PCDH17: variants seen among roughly 807,000 people sequenced by gnomAD.
PCDH17 encodes the protein protocadherin-17.
A neutral mutation model predicts 67.7 loss-of-function variants in PCDH17; 21 were observed. The ratio of observed to expected loss-of-function variants is 0.31; its 90% CI spans 0.22 to 0.45. PCDH17 has a LOEUF of 0.45. Ranked by LOEUF, PCDH17 falls within the 20% of genes least tolerant of loss-of-function variation. PCDH17 has a pLI of 1.00. For missense variants in PCDH17, 1,471 were observed against 1,564.8 expected (o/e 0.94, Z 1.01); for synonymous variants, 701 against 656.7 (o/e 1.07, Z -1.03).
chr13:57,665,823 T>C lies in PCDH17; in HGVS notation c.2566-645T>C, dbSNP rs1690461176. On this transcript the variant is annotated intron_variant, in intron 1 of 3. Transcript: ENST00000377918. ...GTTTTAAGTAACATTTTTTTCTCTC[T>C]TATTTTTGTTTTGCTTTGTTTTTAA... Among the ~76,000 whole-genome samples the C allele has an allele frequency of 2.6e-5, 4 of 152,310 alleles. No individual in the cohort carries two copies. The South Asian group carries it at 8.3e-4, about 32-fold the overall frequency.
chr13:57,659,044 A>G (rs1955148438), intron 1 of PCDH17, among the ~76,000 whole-genome samples: 1 of 151,786 alleles, frequency 6.6e-6, no homozygotes. Context: ...TGAATATCTC[A>G]TGACTCTATC....
chr13:57,715,374 C>T (rs904244121), intron 3 of PCDH17, among the ~76,000 whole-genome samples: 1 of 151,808 alleles, frequency 6.6e-6, no homozygotes, highest in African/African-American at 2.4e-5. Flanking sequence ...TCAATTAAAG[C>T]GTCTGTTCAA....
chr13:57,650,036 T>C (rs2137997857), intron 1 of PCDH17, among the ~76,000 whole-genome samples: 1 of 152,264 alleles, frequency 6.6e-6, no homozygotes, highest in South Asian at 2.1e-4. Flanking sequence ...TTTTTATCTG[T>C]TGGAGAAAAT....
intron 1 of PCDH17, among the ~76,000 whole-genome samples, chr13:57,665,925 A>T (rs1275048212): frequency 1.3e-5 from 2 of 152,122 alleles, no homozygotes. Flanking sequence ...TGTAGCTGAG[A>T]ATGAATTATA....
chr13:57,702,417 G>A (rs533889920), intron 3 of PCDH17, among the ~76,000 whole-genome samples: 2 of 151,952 alleles, frequency 1.3e-5, no homozygotes, highest in African/African-American at 4.8e-5. Context: ...CCCCACAGAA[G>A]CCCTGTGAGG....
chr13:57,669,982 C>G (rs1955300227), intron 3 of PCDH17, among the ~76,000 whole-genome samples: 1 of 151,970 alleles, frequency 6.6e-6, no homozygotes, highest in East Asian at 1.9e-4. Flanking sequence ...ATTTAATTCT[C>G]ATGGCATTTA....
Position 57,725,522 on chromosome 13 carries a change from A to T in PCDH17, c.*228A>T, listed in dbSNP as rs186348906. On this transcript the variant is annotated 3_prime_UTR_variant, in exon 4 of 4. Transcript: ENST00000377918. ...CCAAACTTGTATTAGGACAGAATTAATGATGCTTAAAGAGAAAAGAAAAAA... is the reference window on the plus strand; with the variant it reads ...CCAAACTTGTATTAGGACAGAATTATTGATGCTTAAAGAGAAAAGAAAAAA... 937 of 467,648 alleles carry T rather than the reference A, an allele frequency of 2.0e-3. 1 individual carries two copies. The highest frequency in any genetic ancestry group is 3.0e-3 in the Non-Finnish European group (807 of 264,642). 29.0% of individuals were successfully genotyped at this position (467,648 alleles called of 1,614,324 possible).
rs1955934065 is a variant in PCDH17, at chr13:57,728,978, G to A, written c.*3684G>A. 1 of 152,240 alleles carries A rather than the reference G, an allele frequency of 6.6e-6. No homozygotes were observed. Among genetic ancestry groups the A allele is most frequent in the South Asian group, 2.1e-4 (1 of 4,834 alleles). The allele number at this position is 152,240 out of a possible 1,614,324, so 9.4% of individuals were successfully genotyped here. A position where few individuals can be genotyped will look rare whatever the true frequency, so the allele number is the denominator to read the frequency against. ...GCATAATATATGCCCAGTCATAATA[G>A]TCTAATTATATTCTTTTGACAACAG... is the stretch of plus-strand genomic sequence containing the variant. On this transcript the variant is annotated 3_prime_UTR_variant, in exon 4 of 4. Transcript: ENST00000377918.
rs923859839 is a variant in PCDH17 at position 57,710,460 on chromosome 13, C to T, written c.2798-14152C>T. Among the ~76,000 whole-genome samples the T allele has an allele frequency of 2.6e-5, 4 of 151,970 alleles. No individual in the cohort carries two copies. The East Asian group carries it at 7.7e-4, about 29-fold the overall frequency. ...CTGGAACTCCATAAATTATGCAATA[C>T]ATTTCAATCTCTAAGTATGCTTTAC... On this transcript the variant is annotated intron_variant, in intron 3 of 3. Transcript: ENST00000377918.
At chr13:57,644,656 T>C (rs1264760885) in intron 1 of PCDH17, among the ~76,000 whole-genome samples, 1 of 151,766 alleles carries the variant, frequency 6.6e-6, no homozygotes, top group African/African-American at 2.4e-5. Context: ...CTGTTCCTCG[T>C]GCATTTTTAG....
At chr13:57,673,782 T>G (rs2138035320) in intron 3 of PCDH17, among the ~76,000 whole-genome samples, 1 of 152,112 alleles carries the variant, frequency 6.6e-6, no homozygotes, top group Non-Finnish European at 1.5e-5. Context: ...TTCCAATTAT[T>G]TTCAAGCCCT....
Position 57,657,633 on chromosome 13 carries a change from A to G in PCDH17, c.2566-8835A>G, listed in dbSNP as rs180735643. 1.3e-3 allele frequency among the ~76,000 whole-genome samples: 202 copies of G among 152,330 alleles called. 1 individual carries two copies. The highest frequency in any genetic ancestry group is 4.6e-3 in the African/African-American group (193 of 41,582). On this transcript the variant is annotated intron_variant, in intron 1 of 3. Transcript: ENST00000377918. ...CTCCCTTGTGTTCAGTCTACTGCAA[A>G]CAGAATGCTTGTTATCAATGTGAAA... is the stretch of plus-strand genomic sequence containing the variant.
intron 3 of PCDH17, among the ~76,000 whole-genome samples, chr13:57,667,794 G>A (rs1355092353): frequency 6.7e-6 from 1 of 150,226 alleles, no homozygotes; most frequent in Non-Finnish European, 1.5e-5. Context: ...AACAGATACA[G>A]TGTTAAGTTT....
At chr13:57,648,418 T>A (rs948279863) in intron 1 of PCDH17, among the ~76,000 whole-genome samples, 3 of 151,990 alleles carry the variant, frequency 2.0e-5, no homozygotes, top group African/African-American at 7.2e-5. Flanking sequence ...TCATTGACCT[T>A]TAGCTGCCAT....
At chr13:57,630,789 A>G (rs1253524578), upstream of PCDH17, among the ~76,000 whole-genome samples, 3 of 152,298 alleles carry the variant, frequency 2.0e-5, no homozygotes, top group East Asian at 3.9e-4. Flanking sequence ...AGAAGCCGCA[A>G]CTAATGTCTG....
intron 1 of PCDH17, among the ~76,000 whole-genome samples, chr13:57,651,641 T>C (rs1955040984): frequency 6.6e-6 from 1 of 152,228 alleles, no homozygotes; most frequent in East Asian, 1.9e-4. Flanking sequence ...CCTGGGATTC[T>C]ATTTTGAAAA....
At chr13:57,692,921 A>G (rs1239537843) in intron 3 of PCDH17, among the ~76,000 whole-genome samples, 1 of 151,138 alleles carries the variant, frequency 6.6e-6, no homozygotes, top group Non-Finnish European at 1.5e-5. Context: ...AACTTGTTTT[A>G]GAATTAAGTT....
intron 3 of PCDH17, among the ~76,000 whole-genome samples, chr13:57,670,242 AAAAC>A (rs1955303100): frequency 6.6e-6 from 1 of 151,980 alleles, no homozygotes; most frequent in Non-Finnish European, 1.5e-5. Flanking sequence ...TTCTATTTGA[AAAAC>A]ATCATGAGAG....
chr13:57,722,667 G>A (rs1315946164), intron 3 of PCDH17, among the ~76,000 whole-genome samples: 3 of 152,170 alleles, frequency 2.0e-5, no homozygotes, highest in South Asian at 2.1e-4. Context: ...TCAGGCTGCA[G>A]TGAAATGGCA....
Sources: allele counts gnomAD v4.1 joint callset (sites outside exome capture counted in the v4.1 genomes callset), GRCh38; gene constraint gnomAD v4.1.1; transcripts MANE v1.5; gene names NCBI Gene and HGNC (gene_info 2026-07-23, HGNC 2026-07-21).